RAPH1: variants seen among roughly 807,000 people sequenced by gnomAD.
The protein encoded by RAPH1 is Ras association (RalGDS/AF-6) and pleckstrin homology domains 1.
A neutral mutation model predicts 88.1 loss-of-function variants in RAPH1; 18 were observed. The observed-to-expected ratio is 0.20, with a 90% CI of 0.14 to 0.30. The LOEUF (loss-of-function observed/expected upper bound fraction) is 0.30, where lower values mean the gene tolerates loss of function less well. RAPH1 is among the 10% of genes least tolerant of loss of function. The pLI is 1.00. For synonymous variants in RAPH1, 587 were observed against 559.0 expected (o/e 1.05, Z -0.71); for missense variants, 1,448 against 1,543.2 (o/e 0.94, Z 1.03).
At chr2:203,445,585 CA>C in intron 12 of RAPH1, 1 of 152,478 alleles carries the variant, frequency 6.6e-6, no homozygotes, top group Non-Finnish European at 1.5e-5. Context: ...CAGCAAGGCA[CA>C]AAAAAGTTTT....
In RAPH1 at chr2:203,438,560, CAA is replaced by C. The variant is rs1220853121; in HGVS notation, c.*875_*876del. ...TGTTATCCATCCTCTTAAAATCAAT[CAA>C]AGTGAGGATCATGAAGCCAAGTTGA... On this transcript the variant is annotated 3_prime_UTR_variant, in exon 14 of 14. Coordinates refer to ENST00000319170, the MANE Select transcript of RAPH1 (RefSeq NM_213589.3). The C allele has an allele frequency of 5.8e-6, 1 of 171,966 alleles. No individual in the cohort carries two copies. Among genetic ancestry groups the C allele is most frequent in the South Asian group, 1.5e-4 (1 of 6,860 alleles). The allele number at this position is 171,966 out of a possible 1,614,324, so 10.7% of individuals were successfully genotyped here.
At chr2:203,496,255 G>A (rs1688508363) in intron 1 of RAPH1, among the ~76,000 whole-genome samples, 1 of 152,182 alleles carries the variant, frequency 6.6e-6, no homozygotes, top group Non-Finnish European at 1.5e-5. Context: ...CTACCTGGGA[G>A]GCTGAGCCAG....
rs185422986 is a variant in RAPH1, at chr2:203,458,100, A to G, written c.1093-505T>C. Among the ~76,000 whole-genome samples, 49 of 152,202 alleles carry G rather than the reference A, an allele frequency of 3.2e-4. 1 individual carries two copies. The highest frequency in any genetic ancestry group is 3.4e-3 in the Middle Eastern group (1 of 294). On this transcript the variant is annotated intron_variant, in intron 7 of 13. Transcript: ENST00000319170. ...AAAAATCTGAATTCTGGCTGGGTGC[A>G]GTGGCTCACACCTGTAATCCCAGCA... is the stretch of plus-strand genomic sequence containing the variant.
At position 203,440,951 on chromosome 2, in the gene RAPH1, G is replaced by T; in HGVS notation, c.2239C>A (p.Leu747Met). ...LPQFSAPPPP[L>M]KIHQVQHITQ... ...ATATGCTGAACTTGATGGATCTTCA[G>T]TGGAGGAGGCGGGGCACTGAACTGT... Residue 747 changes from leucine (L) to methionine (M), a missense_variant, in exon 14 of 14, where the codon CTG becomes ATG. Leu to Met is a conservative substitution (Grantham distance 15, BLOSUM62 2). Coordinates refer to ENST00000319170, the MANE Select transcript of RAPH1 (RefSeq NM_213589.3). The T allele has an allele frequency of 6.3e-7, 1 of 1,576,428 alleles. No individual in the cohort carries two copies.
intron 2 of RAPH1, among the ~76,000 whole-genome samples, chr2:203,494,424 C>A (rs946312317): frequency 6.6e-6 from 1 of 151,990 alleles, no homozygotes; most frequent in South Asian, 2.1e-4. Context: ...AACCCAAGAT[C>A]GAATAAAGCA....
intron 1 of RAPH1, among the ~76,000 whole-genome samples, chr2:203,514,415 G>T (rs1253983827): frequency 6.6e-6 from 1 of 152,046 alleles, no homozygotes; most frequent in Non-Finnish European, 1.5e-5. Flanking sequence ...TAGTTAATAT[G>T]GTCATGGTTA....
intron 1 of RAPH1, among the ~76,000 whole-genome samples, chr2:203,498,131 ACTTATT>A (rs1239994079): frequency 6.6e-6 from 1 of 152,232 alleles, no homozygotes; most frequent in Admixed American, 6.5e-5. Context: ...AGAGAGTAAT[ACTTATT>A]CTTAATTACA....
Position 203,440,878 on chromosome 2 carries a change from G to A in RAPH1, c.2312C>T (p.Ala771Val). The A allele has an allele frequency of 3.5e-6, 4 of 1,133,824 alleles. No individual in the cohort carries two copies. Among genetic ancestry groups the A allele is most frequent in the Non-Finnish European group, 4.8e-6 (4 of 834,056 alleles). 70.2% of individuals were successfully genotyped at this position (1,133,824 alleles called of 1,614,324 possible). The change falls in exon 14 of 14, where the codon GCA (alanine) becomes GTA (valine). Residue 771 changes from alanine (A) to valine (V), a missense_variant. By Grantham distance (64) the Ala-to-Val change is moderately conservative (BLOSUM62 0). This residue lies in a region of RAPH1 where 935 missense variants were observed against 890.1 expected (regional missense o/e 1.05). Coordinates refer to ENST00000319170, the MANE Select transcript of RAPH1 (RefSeq NM_213589.3). ...TGGGGGAGCTTGGGGAGGGAGGGGT[G>A]CAGGGATAGGAGGAGGTGGGGGGGG... The part of the protein sequence containing the change: ...PTPPPPPPIP[A>V]PLPPQAPPKP...
chr2:203,441,621 G>C, intron 13 of RAPH1: 2 of 1,346,016 alleles, frequency 1.5e-6, no homozygotes, highest in Non-Finnish European at 1.9e-6. Context: ...CAGAAAACTT[G>C]TTTTACCCCA....
At chr2:203,478,171 C>T (rs1356457822) in intron 4 of RAPH1, among the ~76,000 whole-genome samples, 1 of 151,454 alleles carries the variant, frequency 6.6e-6, no homozygotes, top group Non-Finnish European at 1.5e-5. Flanking sequence ...GTAGCTGGGA[C>T]TACAGGCGCC....
rs750422160 is a variant in RAPH1, at chr2:203,439,557, A to C, written c.3633T>G (p.Ser1211=). Residue 1211 remains serine (S), a synonymous_variant, in exon 14 of 14, where the codon TCT becomes TCG. Coordinates refer to ENST00000319170, the MANE Select transcript of RAPH1 (RefSeq NM_213589.3). ...CTCCGTAACCAGCCTTCTGTTGATCAGACAGCAGTTCAGGGGGTGGTGGAG... is the reference window on the plus strand; with the variant it reads ...CTCCGTAACCAGCCTTCTGTTGATCCGACAGCAGTTCAGGGGGTGGTGGAG... The part of the protein sequence containing the change: ...ALPPPPPELL[S]DQQKAGYGGS... 2 of 1,614,172 alleles carry C rather than the reference A, an allele frequency of 1.2e-6. No homozygotes were observed. Among genetic ancestry groups the C allele is most frequent in the Non-Finnish European group, 1.7e-6 (2 of 1,180,032 alleles).
In RAPH1 at chr2:203,441,338, G is replaced by A. The variant is rs144575145; in HGVS notation, c.1852C>T (p.Pro618Ser). Reference sequence around the variant, plus strand: ...GGTGAAGGCTGTGAAGCAGTGTAGGGGGTGACTATCTTAGGTTGCGGGGAT... The same window carrying A: ...GGTGAAGGCTGTGAAGCAGTGTAGGAGGTGACTATCTTAGGTTGCGGGGAT... ...PLSPQPKIVT[P>S]YTASQPSPPL... The change falls in exon 14 of 14, where the codon CCC becomes TCC. Residue 618 changes from proline (P) to serine (S), a missense_variant. By Grantham distance (74) the Pro-to-Ser change is moderately conservative. Coordinates refer to ENST00000319170, the MANE Select transcript of RAPH1 (RefSeq NM_213589.3). 7.6e-5 allele frequency: 120 copies of A among 1,579,626 alleles called. No homozygotes were observed. Among genetic ancestry groups the A allele is most frequent in the Admixed American group, 1.9e-4 (11 of 58,078 alleles).
intron 1 of RAPH1, among the ~76,000 whole-genome samples, chr2:203,528,516 C>T (rs1412667020): frequency 6.6e-6 from 1 of 152,152 alleles, no homozygotes; most frequent in Non-Finnish European, 1.5e-5. Context: ...GAAAGTACAG[C>T]CGAAGAGGCA....
intron 1 of RAPH1, among the ~76,000 whole-genome samples, chr2:203,506,888 ATATATATATATT>A (rs1689106637): frequency 9.7e-6 from 1 of 103,168 alleles, no homozygotes; most frequent in African/African-American, 5.4e-5. Context: ...ATAGATATAT[ATATATATATATT>A]TTTTTTTTTT....
rs1169335421 is a variant in RAPH1 at position 203,506,794 on chromosome 2, C to CTA, written c.1-11443_1-11442dup. Among the ~76,000 whole-genome samples the CTA allele has an allele frequency of 1.3e-3, 119 of 93,150 alleles. 5 individuals carry two copies. The highest frequency in any genetic ancestry group is 7.0e-3 in the East Asian group (24 of 3,438). The allele number at this position is 93,150 out of a possible 152,430, so 61.1% of individuals were successfully genotyped here. On this transcript the variant is annotated intron_variant, in intron 1 of 13. Transcript: ENST00000319170. ...TCTATATATATCTAGATATATATAT[C>CTA]TATATATATATCTATATCTATATAT...
chr2:203,474,928 T>C (rs539260600), intron 4 of RAPH1, among the ~76,000 whole-genome samples: 1 of 151,818 alleles, frequency 6.6e-6, no homozygotes, highest in Non-Finnish European at 1.5e-5. Flanking sequence ...CTGGCCAACA[T>C]GGCAAAACGC....
intron 1 of RAPH1, among the ~76,000 whole-genome samples, chr2:203,499,052 T>C (rs1273962029): frequency 6.6e-6 from 1 of 152,020 alleles, no homozygotes; most frequent in African/African-American, 2.4e-5. Flanking sequence ...TTTGTGTAAG[T>C]ACAATTTATT....
chr2:203,529,005 A>ATATATATATATTTTTTT (rs1553633903), intron 1 of RAPH1, among the ~76,000 whole-genome samples: 4 of 41,150 alleles, frequency 9.7e-5, no homozygotes, highest in Non-Finnish European at 1.6e-4. Context: ...ATATATATAT[A>ATATATATATATTTTTTT]TTTTTTTTTT....
chr2:203,454,121 G>A (rs914971996), intron 10 of RAPH1, among the ~76,000 whole-genome samples: 1 of 152,136 alleles, frequency 6.6e-6, no homozygotes, highest in African/African-American at 2.4e-5. Context: ...ATTCGGCTCT[G>A]TTCTAAGTTT....
Sources: gnomAD v4.1 joint callset for allele counts (sites outside exome capture counted in the v4.1 genomes callset) on GRCh38, gnomAD v4.1.1 for gene constraint, gnomAD v4.1.1 regional missense constraint, MANE v1.5 for transcripts, NCBI Gene and HGNC (gene_info 2026-07-23, HGNC 2026-07-21) for gene names.